The following RCSD1 variants were observed in gnomAD, a reference collection of about 807,000 sequenced individuals.
The protein encoded by RCSD1 is capZ-interacting protein.
Under a neutral mutation model 42.5 loss-of-function variants are expected in RCSD1, and 26 were observed. The ratio of observed to expected loss-of-function variants is 0.61; its 90% CI spans 0.45 to 0.85. RCSD1 has a LOEUF of 0.85. Among genes scored for constraint, RCSD1 ranks in the 40% least tolerant of loss-of-function variants. RCSD1 has a pLI of 0.00. For synonymous variants in RCSD1, 220 were observed against 212.2 expected, an observed-to-expected ratio of 1.04 and a Z score of -0.32; for missense variants, 571 against 528.3, an observed-to-expected ratio of 1.08 and a Z score of -0.79.
intron 6 of RCSD1, among the ~76,000 whole-genome samples, chr1:167,698,789 TTTTTTG>T (rs1339145854): frequency 6.6e-5 from 10 of 150,908 alleles, no homozygotes; most frequent in Non-Finnish European, 1.3e-4. Context: ...TGTTTGTTTG[TTTTTTG>T]TTTTTGTTTT....
intron 1 of RCSD1, among the ~76,000 whole-genome samples, chr1:167,683,175 C>T (rs1018513814): frequency 1.3e-5 from 2 of 152,218 alleles, no homozygotes; most frequent in African/African-American, 4.8e-5. Context: ...CCGCCAGTAA[C>T]AATAACAACC....
Position 167,704,736 on chromosome 1 carries a change from A to G in RCSD1, c.*40A>G. ...TGCCCCAGTGATGAAGTTGCTGGAC[A>G]CATCTCTTTGCAGGTAGCAGCAACA... On this transcript the variant is annotated 3_prime_UTR_variant, in exon 7 of 7. Transcript: ENST00000367854. The G allele has an allele frequency of 1.3e-6, 2 of 1,599,342 alleles. No individual in the cohort carries two copies. Among genetic ancestry groups the G allele is most frequent in the Non-Finnish European group, 1.7e-6 (2 of 1,167,730 alleles).
At chr1:167,701,912 A>G (rs898133244) in intron 6 of RCSD1, among the ~76,000 whole-genome samples, 5 of 152,198 alleles carry the variant, frequency 3.3e-5, no homozygotes, top group Non-Finnish European at 7.3e-5. Flanking sequence ...TCAGGCACCC[A>G]TGTCTGTCCC....
intron 1 of RCSD1, among the ~76,000 whole-genome samples, chr1:167,660,172 C>T (rs985612182): frequency 6.6e-5 from 10 of 152,182 alleles, no homozygotes; most frequent in East Asian, 1.9e-4. Flanking sequence ...TCTTGTTTGA[C>T]GCCTATGATG....
chr1:167,700,426 A>C (rs576721744), intron 6 of RCSD1, among the ~76,000 whole-genome samples: 1 of 152,094 alleles, frequency 6.6e-6, no homozygotes, highest in Non-Finnish European at 1.5e-5. Context: ...AGGCGGGTGG[A>C]TCACAAGGTC....
At chr1:167,675,207 G>GAAAAA (rs34426324) in intron 1 of RCSD1, among the ~76,000 whole-genome samples, 1 of 49,144 alleles carries the variant, frequency 2.0e-5, no homozygotes, top group Admixed American at 2.4e-4. Flanking sequence ...CTCCATCTCG[G>GAAAAA]AAAAAAAAAA....
chr1:167,678,982 C>T (rs1284758374), intron 1 of RCSD1, among the ~76,000 whole-genome samples: 1 of 152,214 alleles, frequency 6.6e-6, no homozygotes. Context: ...ATTTTCTTCA[C>T]AGCGTTTAAC....
chr1:167,697,652 C>G lies in RCSD1; in HGVS notation c.1028C>G (p.Ala343Gly), dbSNP rs1043355219. The G allele has an allele frequency of 7.5e-6, 12 of 1,605,616 alleles. No homozygotes were observed. Among genetic ancestry groups the G allele is most frequent in the Non-Finnish European group, 8.5e-6 (10 of 1,176,206 alleles). The stretch of plus-strand genomic sequence containing the variant: ...GAAACAAAGAAGCTGGAGGAGGGAG[C>G]TGCAGTGAAGGAGACCCCCCACAGT... ...SQETKKLEEG[A>G]AVKETPHSPP... The change falls in exon 6 of 7, where the codon GCT becomes GGT. Residue 343 changes from alanine (A) to glycine (G), a missense_variant. By Grantham distance (60) the Ala-to-Gly change is moderately conservative. Coordinates refer to ENST00000367854, the MANE Select transcript of RCSD1 (RefSeq NM_052862.4).
At position 167,657,135 on chromosome 1, in the gene RCSD1, G is replaced by A. The variant is rs925519854; in HGVS notation, c.6+26706G>A. Among the ~76,000 whole-genome samples the A allele has an allele frequency of 3.9e-5, 6 of 152,370 alleles. No homozygotes were observed. The South Asian group carries it at 8.3e-4, about 21-fold the overall frequency. The stretch of plus-strand genomic sequence containing the variant: ...TTAAGTGAGCCAGTGTCCATGATGT[G>A]CCTTGCACATAGTAAGCACTCAATC... On this transcript the variant is annotated intron_variant, in intron 1 of 6. Coordinates refer to ENST00000367854, the MANE Select transcript of RCSD1 (RefSeq NM_052862.4).
Position 167,684,001 on chromosome 1 carries a change from G to A in RCSD1, c.108G>A (p.Glu36=). 1 of 1,612,446 alleles carries A rather than the reference G, an allele frequency of 6.2e-7. No individual in the cohort carries two copies. The highest frequency in any genetic ancestry group is 8.5e-7 in the Non-Finnish European group (1 of 1,179,564). The change falls in exon 2 of 7, where the codon GAG becomes GAA. Residue 36 remains glutamate (E), a splice_region_variant and synonymous_variant. Coordinates refer to ENST00000367854, the MANE Select transcript of RCSD1 (RefSeq NM_052862.4). ...GGGAGCAGGCGGCTGCAGCCAAGGA[G>A]GTGAGTCAGGCCGCTTCAGAGCAGC... is the stretch of plus-strand genomic sequence containing the variant. ...RFREQAAAAK[E]TPASKPTRRK... is the part of the protein sequence containing the mutation.
chr1:167,690,750 G>A (rs977998087), intron 4 of RCSD1, among the ~76,000 whole-genome samples: 2 of 152,130 alleles, frequency 1.3e-5, no homozygotes, highest in African/African-American at 4.8e-5. Flanking sequence ...AATAGCCAAC[G>A]CCTCTCTCCC....
chr1:167,680,950 C>T (rs1326935616), intron 1 of RCSD1, among the ~76,000 whole-genome samples: 3 of 152,158 alleles, frequency 2.0e-5, no homozygotes, highest in Admixed American at 1.3e-4. Flanking sequence ...GCGGGACTGC[C>T]GTGAAGAGCT....
intron 1 of RCSD1, among the ~76,000 whole-genome samples, chr1:167,677,021 C>T (rs539253169): frequency 2.6e-4 from 39 of 152,294 alleles, no homozygotes; most frequent in Non-Finnish European, 5.1e-4. Flanking sequence ...AAGGACCTGC[C>T]ATTTTCAGAT....
intron 1 of RCSD1, chr1:167,630,744 A>AAAAAAAAAAAAAAAG: frequency 3.8e-6 from 1 of 262,688 alleles, no homozygotes; most frequent in Non-Finnish European, 7.0e-6. Context: ...AAAAAAAAAA[A>AAAAAAAAAAAAAAAG]AAAAAAAAAG....
At position 167,707,234 on chromosome 1, in the gene RCSD1, C is replaced by T. The variant is rs1659776379; in HGVS notation, c.*2538C>T. Among the ~76,000 whole-genome samples the T allele has an allele frequency of 6.6e-6, 1 of 152,208 alleles. No homozygotes were observed. Among genetic ancestry groups the T allele is most frequent in the African/African-American group, 2.4e-5 (1 of 41,456 alleles). On this transcript the variant is annotated 3_prime_UTR_variant, in exon 7 of 7. Coordinates refer to ENST00000367854, the MANE Select transcript of RCSD1 (RefSeq NM_052862.4). Reference sequence around the variant, plus strand: ...CTCACGGAGATCACCCTGAACAATGCCCAGTTTTTCATGCAGGTTTTGTCC... The same window carrying T: ...CTCACGGAGATCACCCTGAACAATGTCCAGTTTTTCATGCAGGTTTTGTCC...
intron 6 of RCSD1, among the ~76,000 whole-genome samples, chr1:167,701,002 G>A (rs571028244): frequency 1.3e-5 from 2 of 152,258 alleles, no homozygotes; most frequent in African/African-American, 4.8e-5. Flanking sequence ...GTCTTCCTGC[G>A]GGAACTCCAG....
At chr1:167,668,782 G>T (rs1477054201) in intron 1 of RCSD1, among the ~76,000 whole-genome samples, 1 of 152,052 alleles carries the variant, frequency 6.6e-6, no homozygotes, top group Admixed American at 6.5e-5. Flanking sequence ...GCCTGAATGG[G>T]GGAAGGTGCA....
intron 1 of RCSD1, among the ~76,000 whole-genome samples, chr1:167,677,645 TAGAGG>T (rs1000274222): frequency 1.3e-5 from 2 of 152,170 alleles, no homozygotes; most frequent in African/African-American, 4.8e-5. Flanking sequence ...GAGAGATGAG[TAGAGG>T]AAACAGTCCA....
At chr1:167,664,920 C>G (rs1658618748) in intron 1 of RCSD1, 1 of 152,114 alleles carries the variant, frequency 6.6e-6, no homozygotes, top group South Asian at 2.1e-4. Flanking sequence ...TGCCTGTAAT[C>G]CGAGCTACTC....
Sources: gnomAD v4.1 joint callset for allele counts (sites outside exome capture counted in the v4.1 genomes callset) on GRCh38, gnomAD v4.1.1 for gene constraint, MANE v1.5 for transcripts, NCBI Gene and HGNC (gene_info 2026-07-23, HGNC 2026-07-21) for gene names.